The following RTN4RL2 variants were observed in gnomAD, a reference collection of about 807,000 sequenced individuals.
RTN4RL2 encodes reticulon-4 receptor-like 2.
A neutral mutation model predicts 27.8 loss-of-function variants in RTN4RL2; 9 were observed. The observed-to-expected ratio is 0.32, with a 90% confidence interval of 0.20 to 0.57. The LOEUF (loss-of-function observed/expected upper bound fraction) is 0.57. RTN4RL2 is among the 20% of genes least tolerant of loss of function. The pLI is 0.90. For synonymous variants in RTN4RL2, 285 were observed against 297.9 expected (o/e 0.96, Z 0.45); for missense variants, 436 against 596.8 (o/e 0.73, Z 2.81).
chr11:57,476,083 C>G lies in RTN4RL2; in HGVS notation c.514-79C>G, dbSNP rs1943593031. ...TGCCACGGTGCACCCCCTTCCCTCC[C>G]CCGGCCAAGGCCCCAGCGGGGTCTG... On this transcript the variant is annotated intron_variant, in intron 2 of 2. Transcript: ENST00000335099. The surrounding 1 kb of genome is among the most constrained non-coding windows in gnomAD (Gnocchi z 8.2). The G allele has an allele frequency of 7.0e-7, 1 of 1,419,962 alleles. No homozygotes were observed. The highest frequency in any genetic ancestry group is 2.2e-5 in the Admixed American group (1 of 45,916). The allele number at this position is 1,419,962 out of a possible 1,614,324, so 88.0% of individuals were successfully genotyped here.
intron 2 of RTN4RL2, chr11:57,468,544 C>T (rs1234024900): frequency 6.5e-7 from 1 of 1,535,706 alleles, no homozygotes; most frequent in South Asian, 1.2e-5. Flanking sequence ...GCCTTCAGGG[C>T]ACTCTGCCTT....
chr11:57,463,730 TGAG>T (rs1943501060), intron 1 of RTN4RL2, among the ~76,000 whole-genome samples: 2 of 150,664 alleles, frequency 1.3e-5, no homozygotes, highest in African/African-American at 2.5e-5. Context: ...GTGGTGGTGC[TGAG>T]GAGGAGTGAG....
chr11:57,465,639 A>G (rs754423191), intron 1 of RTN4RL2, among the ~76,000 whole-genome samples: 7 of 152,128 alleles, frequency 4.6e-5, no homozygotes, highest in South Asian at 2.1e-4. Context: ...AATCATAAGA[A>G]AGTGTAGAGG....
Position 57,460,877 on chromosome 11 carries a change from G to T in RTN4RL2, c.12G>T (p.Gly4=). ...AGCATCGAGACAAGATGCTGCCCGG[G>T]CTCAGGCGCCTGCTGCAAGGTAAGA... is the stretch of plus-strand genomic sequence containing the variant. MLP[G]LRRLLQAPAS... The change falls in exon 1 of 3, where the codon GGG becomes GGT. Residue 4 remains glycine, a synonymous_variant. Transcript: ENST00000335099. 1.4e-6 allele frequency: 2 copies of T among 1,408,268 alleles called. No homozygotes were observed. The highest frequency in any genetic ancestry group is 3.1e-5 in the East Asian group (1 of 32,646). The allele number at this position is 1,408,268 out of a possible 1,614,324, so 87.2% of individuals were successfully genotyped here.
Position 57,476,848 on chromosome 11 carries a change from G to T in RTN4RL2, c.1200G>T (p.Ala400=), listed in dbSNP as rs781491997. The T allele has an allele frequency of 1.3e-6, 2 of 1,572,130 alleles. No homozygotes were observed. Among genetic ancestry groups the T allele is most frequent in the African/African-American group, 2.8e-5 (2 of 71,592 alleles). ...CQAPPDSRGP[A]LSAGLPSPLL... ...CGCCCCCGGACTCCCGAGGCCCTGC[G>T]CTCTCGGCCGGGCTCCCCAGCCCTC... The change falls in exon 3 of 3, where the codon GCG becomes GCT. Residue 400 remains alanine, a synonymous_variant. Coordinates refer to ENST00000335099, the MANE Select transcript of RTN4RL2 (RefSeq NM_178570.3). The surrounding 1 kb of genome is among the most constrained non-coding windows in gnomAD (Gnocchi z 8.2).
intron 1 of RTN4RL2, among the ~76,000 whole-genome samples, chr11:57,466,781 A>G (rs571640935): frequency 3.3e-5 from 5 of 152,284 alleles, no homozygotes; most frequent in African/African-American, 9.6e-5. Flanking sequence ...TCATTCTCCA[A>G]TGGGGTGACT....
At chr11:57,460,963 A>C in intron 1 of RTN4RL2, 67 bp downstream of exon 1, 2 of 962,788 alleles carry the variant, frequency 2.1e-6, no homozygotes, top group Non-Finnish European at 2.8e-6. Context: ...CCCCTCTTTC[A>C]GGGATTGAGG....
At chr11:57,468,708 G>C in intron 2 of RTN4RL2, 1 of 1,535,986 alleles carries the variant, frequency 6.5e-7, no homozygotes, top group South Asian at 1.2e-5. Context: ...CTGGGCAATG[G>C]GACGGGAGAA....
intron 2 of RTN4RL2, among the ~76,000 whole-genome samples, chr11:57,473,659 A>G (rs1943577750): frequency 1.3e-5 from 2 of 151,946 alleles, no homozygotes; most frequent in Admixed American, 6.5e-5. Flanking sequence ...AACGGTTTTA[A>G]CAGTGGAGAG....
chr11:57,469,960 C>T (rs939310060), intron 2 of RTN4RL2, among the ~76,000 whole-genome samples: 21 of 152,160 alleles, frequency 1.4e-4, no homozygotes, highest in African/African-American at 5.1e-4. Context: ...TGTTGAGCCT[C>T]ACAACAACCT....
intron 2 of RTN4RL2, among the ~76,000 whole-genome samples, chr11:57,474,590 G>GGT (rs1395405458): frequency 6.6e-6 from 1 of 152,202 alleles, no homozygotes; most frequent in Non-Finnish European, 1.5e-5. Flanking sequence ...GTGATGCCCT[G>GGT]CACAAGAGGG....
At chr11:57,474,086 C>T (rs894939388) in intron 2 of RTN4RL2, among the ~76,000 whole-genome samples, 4 of 152,142 alleles carry the variant, frequency 2.6e-5, no homozygotes, top group Non-Finnish European at 4.4e-5. Context: ...GGATTCCAAG[C>T]CTACCCCCTG....
chr11:57,476,786 C>A lies in RTN4RL2; in HGVS notation c.1138C>A (p.Arg380=), dbSNP rs748000408. The change falls in exon 3 of 3, where the codon CGA becomes AGA. Residue 380 remains arginine, a synonymous_variant. Transcript: ENST00000335099. This position sits in a 1 kb window ranked among gnomAD's most constrained non-coding sequence, Gnocchi z 8.2. ...GGGGGGCTACGGGGGTGAGGACCAG[C>A]GAGGGGAGCAGATGTGCCCCGGCGC... ...YWGGYGGEDQ[R]GEQMCPGAAC... is the part of the protein sequence containing the mutation. The A allele has an allele frequency of 6.7e-7, 1 of 1,500,708 alleles. No homozygotes were observed. The highest frequency in any genetic ancestry group is 8.8e-7 in the Non-Finnish European group (1 of 1,132,076). The allele number at this position is 1,500,708 out of a possible 1,614,324, so 93.0% of individuals were successfully genotyped here.
rs547645159 is a variant in RTN4RL2, at chr11:57,467,560, C to G, written c.32-49C>G. ...TTGGGGGGCTGGCCCCCAGCTGGCA[C>G]TCCTGCCCTGGAAGCCCACCTAGTA... is the stretch of plus-strand genomic sequence containing the variant. On this transcript the variant is annotated intron_variant, in intron 1 of 2. Coordinates refer to ENST00000335099, the MANE Select transcript of RTN4RL2 (RefSeq NM_178570.3). The surrounding 1 kb of genome is among the most constrained non-coding windows in gnomAD (Gnocchi z 5.5). 26 of 1,557,000 alleles carry G rather than the reference C, an allele frequency of 1.7e-5. 1 individual carries two copies. In the South Asian group the frequency reaches 2.7e-4, roughly 16 times the overall value.
At chr11:57,464,695 G>A (rs1423999255) in intron 1 of RTN4RL2, among the ~76,000 whole-genome samples, 5 of 152,096 alleles carry the variant, frequency 3.3e-5, no homozygotes, top group Admixed American at 6.5e-5. Flanking sequence ...CAGAGGAATC[G>A]AGGGGACCTT....
chr11:57,461,658 C>G (rs1379377060), intron 1 of RTN4RL2, among the ~76,000 whole-genome samples: 1 of 151,798 alleles, frequency 6.6e-6, no homozygotes, highest in Non-Finnish European at 1.5e-5. Context: ...GGGAAGAAGA[C>G]TATGGACAGG....
rs1015150397 is a variant in RTN4RL2, at chr11:57,468,069, G to A, written c.492G>A (p.Glu164=). The A allele has an allele frequency of 1.2e-5, 19 of 1,596,338 alleles. No homozygotes were observed. Among genetic ancestry groups the A allele is most frequent in the Non-Finnish European group, 1.5e-5 (18 of 1,177,630 alleles). ...LVSLQYLYLQ[E]NSLLHLQDDL... ...GCCTGCAGTACCTCTACCTCCAGGAGAACAGCCTGCTCCACCTACAGGTGA... is the reference window on the plus strand; with the variant it reads ...GCCTGCAGTACCTCTACCTCCAGGAAAACAGCCTGCTCCACCTACAGGTGA... The change falls in exon 2 of 3, where the codon GAG becomes GAA. Residue 164 remains glutamate (E), a synonymous_variant. Transcript: ENST00000335099.
At chr11:57,470,078 A>G (rs1007836642) in intron 2 of RTN4RL2, among the ~76,000 whole-genome samples, 1 of 152,180 alleles carries the variant, frequency 6.6e-6, no homozygotes, top group Non-Finnish European at 1.5e-5. Context: ...ACAAGGGGAC[A>G]GTACTCTGGA....
chr11:57,476,681 T>C lies in RTN4RL2; in HGVS notation c.1033T>C (p.Ser345Pro). 1 of 1,434,834 alleles carries C rather than the reference T, an allele frequency of 7.0e-7. No individual in the cohort carries two copies. Among genetic ancestry groups the C allele is most frequent in the South Asian group, 1.5e-5 (1 of 66,798 alleles). The allele number at this position is 1,434,834 out of a possible 1,614,324, so 88.9% of individuals were successfully genotyped here. A position where few individuals can be genotyped will look rare whatever the true frequency, so the allele number is the denominator to read the frequency against. ...GGCCGGGGCGCCCCCAGCCGATCCC[T>C]CCACCCTCTACCGAGATCTGCCTGC... Reference protein sequence around the residue: ...AEAGAPPADPSTLYRDLPAED... With the variant: ...AEAGAPPADPPTLYRDLPAED... The change falls in exon 3 of 3, where the codon TCC (serine) becomes CCC (proline). Residue 345 changes from serine to proline, a missense_variant. Physicochemically the swap from Ser to Pro is moderately conservative, Grantham distance 74 (BLOSUM62 -1). Coordinates refer to ENST00000335099, the MANE Select transcript of RTN4RL2 (RefSeq NM_178570.3). This position sits in a 1 kb window ranked among gnomAD's most constrained non-coding sequence, Gnocchi z 8.2.
Sources: allele counts gnomAD v4.1 joint callset (sites outside exome capture counted in the v4.1 genomes callset), GRCh38; gene constraint gnomAD v4.1.1; non-coding constraint Gnocchi (gnomAD v3.1); transcripts MANE v1.5; gene names NCBI Gene and HGNC (gene_info 2026-07-23, HGNC 2026-07-21).